ZDHHC15: variants seen among roughly 807,000 people sequenced by gnomAD.
ZDHHC15 encodes the protein zDHHC palmitoyltransferase 15.
A neutral mutation model predicts 31.7 loss-of-function variants in ZDHHC15; 19 were observed. The ratio of observed to expected loss-of-function variants is 0.60; its 90% CI spans 0.42 to 0.88. The LOEUF is 0.88. Among genes scored for constraint, ZDHHC15 ranks in the 40% least tolerant of loss-of-function variants. The probability of loss-of-function intolerance (pLI) is 0.00; values close to 1 mark genes in which losing one functional copy is unlikely to be tolerated. For synonymous variants in ZDHHC15, 103 were observed against 90.0 expected (o/e 1.14, Z -0.82); for missense variants, 209 against 251.2 (o/e 0.83, Z 1.14).
At chrX:75,476,512 T>A (rs913461977) in intron 3 of ZDHHC15, among the ~76,000 whole-genome samples, 5 of 111,400 alleles carry the variant, frequency 4.5e-5, no homozygotes, top group African/African-American at 1.3e-4. Context: ...CTTCATATTA[T>A]TTTCTTATAA....
At chrX:75,408,223 T>A (rs951647810) in intron 10 of ZDHHC15, among the ~76,000 whole-genome samples, 14 of 82,943 alleles carry the variant, frequency 1.7e-4, no homozygotes, top group South Asian at 1.2e-3. Context: ...TAAAAAAAAA[T>A]AAAAAATAAA....
At chrX:75,495,729 A>G (rs1248288319) in intron 2 of ZDHHC15, among the ~76,000 whole-genome samples, 1 of 97,821 alleles carries the variant, frequency 1.0e-5, no homozygotes, top group Non-Finnish European at 2.0e-5. Flanking sequence ...GGAATTGAAC[A>G]ATGAGAACAC....
At chrX:75,473,665 T>C (rs1407606026) in intron 3 of ZDHHC15, among the ~76,000 whole-genome samples, 1 of 111,539 alleles carries the variant, frequency 9.0e-6, no homozygotes, top group Non-Finnish European at 1.9e-5. Context: ...AGAAAGAATA[T>C]GCATGTAATA....
chrX:75,424,854 G>C lies in ZDHHC15; in HGVS notation c.604-70C>G, dbSNP rs56330888. ...GATGGCTAGTTTTTCTAAATATATA[G>C]GTTAGTAGTTTTCACATGTATAAAG... On this transcript the variant is annotated intron_variant, in intron 7 of 11. Coordinates refer to ENST00000373367, the MANE Select transcript of ZDHHC15 (RefSeq NM_144969.3). 1.7e-3 allele frequency: 1,759 copies of C among 1,033,878 alleles called. 3 individuals carry two copies. The highest frequency in any genetic ancestry group is 2.0e-3 in the Non-Finnish European group (1,559 of 791,810). 85.2% of individuals were successfully genotyped at this position (1,033,878 alleles called of 1,213,427 possible). A position where few individuals can be genotyped will look rare whatever the true frequency, so the allele number is the denominator to read the frequency against.
At chrX:75,417,327 T>A in intron 9 of ZDHHC15, 137 bp from the exon 10 acceptor site, 1 of 387,930 alleles carries the variant, frequency 2.6e-6, no homozygotes. Flanking sequence ...AATGGGCTCT[T>A]ACAATAGCAT....
At chrX:75,455,155 G>T (rs952413409) in intron 3 of ZDHHC15, among the ~76,000 whole-genome samples, 2 of 111,573 alleles carry the variant, frequency 1.8e-5, no homozygotes, top group African/African-American at 3.3e-5. Flanking sequence ...GCATGGTACT[G>T]GTACCAAAAC....
chrX:75,448,195 A>T (rs1287884431), intron 4 of ZDHHC15, among the ~76,000 whole-genome samples: 5 of 112,544 alleles, frequency 4.4e-5, no homozygotes, highest in African/African-American at 6.4e-5. Context: ...GATTAGGTCA[A>T]TGGAAAACCA....
chrX:75,491,369 C>T (rs775086158), intron 2 of ZDHHC15, among the ~76,000 whole-genome samples: 15 of 105,709 alleles, frequency 1.4e-4, no homozygotes, highest in African/African-American at 5.2e-4. Context: ...AGTAAACTAT[C>T]GCAAGAACAA....
chrX:75,490,575 C>T (rs975382305), intron 2 of ZDHHC15, among the ~76,000 whole-genome samples: 12 of 111,501 alleles, frequency 1.1e-4, no homozygotes, highest in African/African-American at 3.3e-5. Context: ...TATAAATTAC[C>T]TTGGGCAGTA....
intron 4 of ZDHHC15, among the ~76,000 whole-genome samples, chrX:75,438,834 T>C (rs758274093): frequency 8.9e-6 from 1 of 112,482 alleles, no homozygotes; most frequent in Non-Finnish European, 1.9e-5. Context: ...TTAACATTTC[T>C]TGTAGCTCTG....
At chrX:75,456,467 C>A (rs12012356) in intron 3 of ZDHHC15, among the ~76,000 whole-genome samples, 48 of 110,098 alleles carry the variant, frequency 4.4e-4, no homozygotes, top group Admixed American at 3.8e-3. Flanking sequence ...CAAACCTGCA[C>A]GTTGTGAAAA....
At chrX:75,423,910 C>G (rs1471996834) in intron 8 of ZDHHC15, among the ~76,000 whole-genome samples, 2 of 110,955 alleles carry the variant, frequency 1.8e-5, no homozygotes, top group East Asian at 5.7e-4. Context: ...AAACATTCAA[C>G]ATTCAAAACT....
intron 2 of ZDHHC15, among the ~76,000 whole-genome samples, chrX:75,500,539 T>C (rs984400411): frequency 2.7e-5 from 3 of 109,444 alleles, no homozygotes; most frequent in African/African-American, 6.6e-5. Context: ...TAAAACTAAA[T>C]ATAGCAGTTG....
chrX:75,519,386 C>A (rs1311025513), intron 1 of ZDHHC15, among the ~76,000 whole-genome samples: 3 of 111,061 alleles, frequency 2.7e-5, no homozygotes, highest in African/African-American at 9.8e-5. Flanking sequence ...GTTATTTGAG[C>A]CTCACAGCAG....
intron 10 of ZDHHC15, 72 bp downstream of exon 10, chrX:75,417,014 TC>T (rs1318842135): frequency 1.2e-6 from 1 of 864,567 alleles, no homozygotes; most frequent in Non-Finnish European, 1.7e-6. Context: ...ATAAAATCTT[TC>T]TGGACACTAT....
intron 3 of ZDHHC15, among the ~76,000 whole-genome samples, chrX:75,455,458 G>A (rs2084202644): frequency 8.9e-6 from 1 of 111,773 alleles, no homozygotes; most frequent in South Asian, 3.7e-4. Context: ...GTAGGCATGG[G>A]CAAGGACTTC....
chrX:75,378,434 G>A (rs1373762483), intron 11 of ZDHHC15, among the ~76,000 whole-genome samples: 2 of 111,991 alleles, frequency 1.8e-5, no homozygotes, highest in Non-Finnish European at 3.8e-5. Flanking sequence ...GGGAACCCAC[G>A]AACAGATTGT....
chrX:75,460,034 C>T (rs948218994), intron 3 of ZDHHC15, among the ~76,000 whole-genome samples: 2 of 112,144 alleles, frequency 1.8e-5, no homozygotes, highest in African/African-American at 3.2e-5. Context: ...GGCCACGATA[C>T]CTGGCTAATT....
chrX:75,419,706 A>C (rs893795291), intron 9 of ZDHHC15, among the ~76,000 whole-genome samples: 4 of 109,781 alleles, frequency 3.6e-5, no homozygotes, highest in Non-Finnish European at 7.6e-5. Context: ...AGCCAAATGT[A>C]CAACAATGAT....
Sources: allele counts gnomAD v4.1 joint callset (sites outside exome capture counted in the v4.1 genomes callset), GRCh38; gene constraint gnomAD v4.1.1; transcripts MANE v1.5; gene names NCBI Gene and HGNC (gene_info 2026-07-23, HGNC 2026-07-21).